The following XXYLT1 variants were observed in gnomAD, a reference collection of about 807,000 sequenced individuals.
XXYLT1 encodes the protein xyloside xylosyltransferase 1.
A neutral mutation model predicts 28.9 loss-of-function variants in XXYLT1; 20 were observed. That is an observed-to-expected ratio of 0.69 (90% confidence interval 0.49 to 1.00). The LOEUF is 1.00. XXYLT1 is among the 50% of genes least tolerant of loss of function. The pLI is 0.00. For missense variants in XXYLT1, 542 were observed against 560.1 expected, an observed-to-expected ratio of 0.97 and a Z score of 0.33; for synonymous variants, 257 against 253.8, an observed-to-expected ratio of 1.01 and a Z score of -0.12.
At chr3:195,086,374 C>T (rs1171970560) in intron 3 of XXYLT1, among the ~76,000 whole-genome samples, 1 of 152,194 alleles carries the variant, frequency 6.6e-6, no homozygotes, top group Non-Finnish European at 1.5e-5. Context: ...CCAGGTCTGG[C>T]GTCTCGGCCG....
intron 2 of XXYLT1, among the ~76,000 whole-genome samples, chr3:195,186,643 C>T (rs776328286): frequency 6.6e-6 from 1 of 152,128 alleles, no homozygotes; most frequent in African/African-American, 2.4e-5. Context: ...GAATCCCCCA[C>T]TCGGGCAGCA....
At chr3:195,187,591 T>C (rs73890713) in intron 2 of XXYLT1, among the ~76,000 whole-genome samples, 4,170 of 152,272 alleles carry the variant, frequency 0.027, 172 homozygotes, top group African/African-American at 0.094. Flanking sequence ...AGCTGAAACA[T>C]ACAGAAGGGG....
At chr3:195,126,918 G>C (rs1409295824) in intron 3 of XXYLT1, among the ~76,000 whole-genome samples, 1 of 152,204 alleles carries the variant, frequency 6.6e-6, no homozygotes, top group Non-Finnish European at 1.5e-5. Context: ...ATAAAACAGA[G>C]GGTCCGAAAG....
At chr3:195,125,777 G>A (rs1296744635) in intron 3 of XXYLT1, among the ~76,000 whole-genome samples, 4 of 152,176 alleles carry the variant, frequency 2.6e-5, no homozygotes, top group Non-Finnish European at 4.4e-5. Context: ...AGACCTAGAG[G>A]CCCTGCTGGC....
intron 2 of XXYLT1, among the ~76,000 whole-genome samples, chr3:195,220,223 C>G (rs888990609): frequency 7.9e-5 from 12 of 152,178 alleles, no homozygotes; most frequent in Admixed American, 2.0e-4. Flanking sequence ...CTCACTGCAA[C>G]CTCCGCCTCC....
At chr3:195,119,210 G>A (rs1489374119) in intron 3 of XXYLT1, among the ~76,000 whole-genome samples, 11 of 151,764 alleles carry the variant, frequency 7.2e-5, no homozygotes, top group African/African-American at 2.4e-4. Flanking sequence ...CTTGAACCTG[G>A]GAGGTGGAGG....
chr3:195,112,474 A>ATG (rs1717785555), intron 3 of XXYLT1, among the ~76,000 whole-genome samples: 1 of 143,394 alleles, frequency 7.0e-6, no homozygotes, highest in African/African-American at 2.8e-5. Context: ...ACCCACACAC[A>ATG]TGCACACACG....
intron 2 of XXYLT1, among the ~76,000 whole-genome samples, chr3:195,212,706 T>A (rs1265274438): frequency 6.6e-6 from 1 of 152,178 alleles, no homozygotes; most frequent in African/African-American, 2.4e-5. Context: ...TGCCTGATGA[T>A]CTGAGGTGGA....
intron 3 of XXYLT1, among the ~76,000 whole-genome samples, chr3:195,136,670 C>T (rs1719217652): frequency 6.6e-6 from 1 of 152,152 alleles, no homozygotes; most frequent in Non-Finnish European, 1.5e-5. Flanking sequence ...CAGTTGAGCA[C>T]CGTTCAAGCA....
intron 3 of XXYLT1, among the ~76,000 whole-genome samples, chr3:195,081,990 C>G (rs1441803053): frequency 6.6e-6 from 1 of 152,212 alleles, no homozygotes; most frequent in Admixed American, 6.5e-5. Flanking sequence ...CTAGAAGCTT[C>G]CGGGGGGCGA....
At chr3:195,106,626 G>A (rs1717107399) in intron 3 of XXYLT1, among the ~76,000 whole-genome samples, 1 of 152,252 alleles carries the variant, frequency 6.6e-6, no homozygotes, top group Admixed American at 6.5e-5. Context: ...CTGCAGGCAC[G>A]CCGCGGCAGG....
At chr3:195,219,793 G>A (rs1723740428) in intron 2 of XXYLT1, among the ~76,000 whole-genome samples, 2 of 152,194 alleles carry the variant, frequency 1.3e-5, no homozygotes, top group Admixed American at 1.3e-4. Context: ...AGGACTCTCA[G>A]GGGTGATAAC....
At chr3:195,145,453 C>T (rs1290543238) in intron 3 of XXYLT1, among the ~76,000 whole-genome samples, 4 of 147,590 alleles carry the variant, frequency 2.7e-5, no homozygotes, top group Non-Finnish European at 4.5e-5. Flanking sequence ...CTGATGGGGC[C>T]CTGCGAGCAT....
At chr3:195,167,591 C>G (rs192848689) in intron 2 of XXYLT1, among the ~76,000 whole-genome samples, 61 of 152,216 alleles carry the variant, frequency 4.0e-4, no homozygotes, top group Non-Finnish European at 7.6e-4. Context: ...AACTCCATCT[C>G]AAATATATAT....
chr3:195,217,842 G>C (rs1460805763), intron 2 of XXYLT1, among the ~76,000 whole-genome samples: 1 of 144,258 alleles, frequency 6.9e-6, no homozygotes, highest in African/African-American at 2.7e-5. Flanking sequence ...CCAAAAAAGA[G>C]CCCGCATCGC....
intron 1 of XXYLT1, among the ~76,000 whole-genome samples, chr3:195,261,953 T>C (rs940189840): frequency 6.6e-6 from 1 of 152,218 alleles, no homozygotes; most frequent in Admixed American, 6.5e-5. Context: ...AGTTTGGCAG[T>C]TCCTCAAAAG....
intron 1 of XXYLT1, among the ~76,000 whole-genome samples, chr3:195,247,431 C>T (rs867039991): frequency 1.3e-5 from 2 of 152,266 alleles, no homozygotes; most frequent in Non-Finnish European, 2.9e-5. Context: ...AGGCACTGAG[C>T]CAGATTCTGT....
intron 2 of XXYLT1, among the ~76,000 whole-genome samples, chr3:195,225,914 A>G (rs1047286562): frequency 2.0e-5 from 3 of 152,096 alleles, no homozygotes; most frequent in Non-Finnish European, 4.4e-5. Flanking sequence ...CATGACTGTA[A>G]GTTTCCTGAG....
intron 2 of XXYLT1, chr3:195,175,766 C>A: frequency 1.3e-6 from 2 of 1,521,758 alleles, no homozygotes; most frequent in Non-Finnish European, 1.8e-6. Flanking sequence ...TCAGCCACTG[C>A]TCCCCTGGAA....
Sources: gnomAD v4.1 joint callset for allele counts (sites outside exome capture counted in the v4.1 genomes callset) on GRCh38, gnomAD v4.1.1 for gene constraint, MANE v1.5 for transcripts, NCBI Gene and HGNC (gene_info 2026-07-23, HGNC 2026-07-21) for gene names.